Variants in RASSF9 observed in about 807,000 individuals in gnomAD.
The protein encoded by RASSF9 is ras association domain-containing protein 9.
RASSF9 carries 18 observed loss-of-function variants against 21.4 expected under a neutral mutation model. The ratio of observed to expected loss-of-function variants is 0.84; its 90% CI spans 0.58 to 1.25. The LOEUF is 1.25. Ranked by LOEUF, RASSF9 falls within the 50% of genes most tolerant of loss-of-function variation. RASSF9 has a pLI of 0.00. For missense variants in RASSF9, 480 were observed against 503.2 expected, an observed-to-expected ratio of 0.95 and a Z score of 0.44; for synonymous variants, 183 against 179.1, an observed-to-expected ratio of 1.02 and a Z score of -0.18.
rs749918351 is a variant in RASSF9, at chr12:85,805,267, T to G, written c.743A>C (p.Asp248Ala). 6.2e-7 allele frequency: 1 copy of G among 1,613,674 alleles called. No homozygotes were observed. The highest frequency in any genetic ancestry group is 2.2e-5 in the East Asian group (1 of 44,878). Residue 248 changes from aspartate (D) to alanine (A), a missense_variant, in exon 2 of 2, where the codon GAC becomes GCC. Asp to Ala is a moderately radical substitution (Grantham distance 126). Transcript: ENST00000361228. ...AGTCTGGTTTTCCTCATACTGCAAG[T>G]CTAGATTTTGCTCAACTTCACTGAA... ...PSFSEVEQNL[D>A]LQYEENQTLE...
chr12:85,805,570 T>A lies in RASSF9; in HGVS notation c.440A>T (p.Asn147Ile), dbSNP rs764560740. ...TEKLWELSPANYMKTLPPDKQ... is the reference protein window; with the variant it reads ...TEKLWELSPAIYMKTLPPDKQ... Reference sequence around the variant, plus strand: ...ATCTGGTGGTAAAGTCTTCATGTAGTTTGCTGGGCTGAGCTCCCACAATTT... The same window carrying A: ...ATCTGGTGGTAAAGTCTTCATGTAGATTGCTGGGCTGAGCTCCCACAATTT... The change falls in exon 2 of 2, where the codon AAC becomes ATC. Residue 147 changes from asparagine (N) to isoleucine (I), a missense_variant. Physicochemically the swap from Asn to Ile is moderately radical, Grantham distance 149. Coordinates refer to ENST00000361228, the MANE Select transcript of RASSF9 (RefSeq NM_005447.4). 3 of 1,613,920 alleles carry A rather than the reference T, an allele frequency of 1.9e-6. No homozygotes were observed. The South Asian group carries it at 3.3e-5, about 18-fold the overall frequency.
rs555403823 is a variant in RASSF9 at position 85,819,454 on chromosome 12, A to T, written c.48-13492T>A. On this transcript the variant is annotated intron_variant, in intron 1 of 1. Coordinates refer to ENST00000361228, the MANE Select transcript of RASSF9 (RefSeq NM_005447.4). Reference sequence around the variant, plus strand: ...ATTCCTGCACCTGGAGACAATTAGTATTTAATTATTTTCTAATAAAAAATA... The same window carrying T: ...ATTCCTGCACCTGGAGACAATTAGTTTTTAATTATTTTCTAATAAAAAATA... Among the ~76,000 whole-genome samples, 7 of 152,338 alleles carry T rather than the reference A, an allele frequency of 4.6e-5. No homozygotes were observed. In the East Asian group the frequency reaches 1.2e-3, roughly 25 times the overall value.
intron 1 of RASSF9, among the ~76,000 whole-genome samples, chr12:85,815,147 C>T (rs920545705): frequency 6.6e-6 from 1 of 151,842 alleles, no homozygotes; most frequent in Non-Finnish European, 1.5e-5. Context: ...GGAAACCCCA[C>T]ACACAACTGT....
chr12:85,826,171 C>T (rs1880328412), intron 1 of RASSF9, among the ~76,000 whole-genome samples: 1 of 152,166 alleles, frequency 6.6e-6, no homozygotes. Flanking sequence ...ATTTTCTTCA[C>T]TCTTCACCCT....
Position 85,803,014 on chromosome 12 carries a change from A to C in RASSF9, c.*1688T>G, listed in dbSNP as rs1311297060. On this transcript the variant is annotated 3_prime_UTR_variant, in exon 2 of 2. Coordinates refer to ENST00000361228, the MANE Select transcript of RASSF9 (RefSeq NM_005447.4). ...TGAAAATATCTATTTTGGTACAAGA[A>C]ATGATAGTATAAATGCTCACGAAAC... 2 of 152,166 alleles carry C rather than the reference A, an allele frequency of 1.3e-5. No individual in the cohort carries two copies. The allele number at this position is 152,166 out of a possible 1,614,324, so 9.4% of individuals were successfully genotyped here. A position where few individuals can be genotyped will look rare whatever the true frequency, so the allele number is the denominator to read the frequency against.
intron 1 of RASSF9, among the ~76,000 whole-genome samples, chr12:85,822,938 C>T (rs764939162): frequency 1.8e-4 from 28 of 152,148 alleles, no homozygotes; most frequent in Non-Finnish European, 2.8e-4. Context: ...CGGTGGCTCA[C>T]GCCTGTAATC....
intron 1 of RASSF9, among the ~76,000 whole-genome samples, chr12:85,811,842 A>T (rs1397781662): frequency 6.6e-6 from 1 of 151,806 alleles, no homozygotes; most frequent in African/African-American, 2.4e-5. Flanking sequence ...ATGAACAAAT[A>T]AAAATTCAGA....
intron 1 of RASSF9, among the ~76,000 whole-genome samples, chr12:85,827,975 A>G (rs980355688): frequency 6.6e-6 from 1 of 152,216 alleles, no homozygotes; most frequent in African/African-American, 2.4e-5. Flanking sequence ...CTAGAAAAAT[A>G]TATGGCACAT....
intron 1 of RASSF9, among the ~76,000 whole-genome samples, chr12:85,816,027 G>A (rs1046152008): frequency 6.6e-6 from 1 of 151,950 alleles, no homozygotes; most frequent in African/African-American, 2.4e-5. Flanking sequence ...TATAAATGGA[G>A]TCCATTATCC....
At position 85,805,025 on chromosome 12, in the gene RASSF9, C is replaced by G. The variant is rs1879786680; in HGVS notation, c.985G>C (p.Gly329Arg). The change falls in exon 2 of 2, where the codon GGT becomes CGT. Residue 329 changes from glycine to arginine, a missense_variant. Coordinates refer to ENST00000361228, the MANE Select transcript of RASSF9 (RefSeq NM_005447.4). ...CTCAAATGAGAGTGAATTTTCAAAC[C>G]AGCTTTCATGCTTTTCTCCAAATCA... is the stretch of plus-strand genomic sequence containing the variant. ...KCDLEKSMKA[G>R]LKIHSHLSGI... The G allele has an allele frequency of 6.2e-7, 1 of 1,613,772 alleles. No homozygotes were observed. The highest frequency in any genetic ancestry group is 1.7e-5 in the Admixed American group (1 of 59,996).
chr12:85,828,405 C>A (rs1034362589), intron 1 of RASSF9, among the ~76,000 whole-genome samples: 1 of 151,950 alleles, frequency 6.6e-6, no homozygotes, highest in African/African-American at 2.4e-5. Flanking sequence ...GTGGTAGATA[C>A]CTCATTTACC....
chr12:85,800,705 A>T lies in RASSF9; in HGVS notation c.*3997T>A, dbSNP rs914702705. On this transcript the variant is annotated 3_prime_UTR_variant, in exon 2 of 2. Coordinates refer to ENST00000361228, the MANE Select transcript of RASSF9 (RefSeq NM_005447.4). ...ACCACCCAAAACAATATCACAAGAA[A>T]GGTATAATTATTTCTTTTATTATTT... 2 of 151,824 alleles carry T rather than the reference A, an allele frequency of 1.3e-5. No homozygotes were observed. The highest frequency in any genetic ancestry group is 4.8e-5 in the African/African-American group (2 of 41,396). 9.4% of individuals were successfully genotyped at this position (151,824 alleles called of 1,614,324 possible). A position where few individuals can be genotyped will look rare whatever the true frequency, so the allele number is the denominator to read the frequency against.
Position 85,801,591 on chromosome 12 carries a change from T to A in RASSF9, c.*3111A>T, listed in dbSNP as rs1448893411. The A allele has an allele frequency of 6.6e-6, 1 of 152,228 alleles. No homozygotes were observed. Among genetic ancestry groups the A allele is most frequent in the Non-Finnish European group, 1.5e-5 (1 of 68,136 alleles). 9.4% of individuals were successfully genotyped at this position (152,228 alleles called of 1,614,324 possible). A position where few individuals can be genotyped will look rare whatever the true frequency, so the allele number is the denominator to read the frequency against. The stretch of plus-strand genomic sequence containing the variant: ...ACTTTGGGAGGCCAAGACGGGTGGA[T>A]CACAAGGTCAGGACATCGAGACCAT... On this transcript the variant is annotated 3_prime_UTR_variant, in exon 2 of 2. Coordinates refer to ENST00000361228, the MANE Select transcript of RASSF9 (RefSeq NM_005447.4).
At chr12:85,833,181 A>G (rs1447655296) in intron 1 of RASSF9, among the ~76,000 whole-genome samples, 2 of 151,938 alleles carry the variant, frequency 1.3e-5, no homozygotes, top group African/African-American at 2.4e-5. Flanking sequence ...GTTTTGAATT[A>G]TATTAAATAT....
At chr12:85,814,286 G>C (rs1880015024) in intron 1 of RASSF9, among the ~76,000 whole-genome samples, 1 of 152,042 alleles carries the variant, frequency 6.6e-6, no homozygotes, top group South Asian at 2.1e-4. Context: ...ACAATGTGTA[G>C]AGACATTTTT....
At chr12:85,828,724 A>G (rs1474638826) in intron 1 of RASSF9, among the ~76,000 whole-genome samples, 3 of 152,270 alleles carry the variant, frequency 2.0e-5, no homozygotes, top group Non-Finnish European at 4.4e-5. Flanking sequence ...TGCTGGAAGA[A>G]CAGGCAGTCA....
intron 1 of RASSF9, among the ~76,000 whole-genome samples, chr12:85,806,871 A>G (rs1879848301): frequency 6.6e-6 from 1 of 152,242 alleles, no homozygotes; most frequent in African/African-American, 2.4e-5. Flanking sequence ...AAATAGTACA[A>G]AATGGAAAAA....
intron 1 of RASSF9, among the ~76,000 whole-genome samples, chr12:85,824,358 T>A (rs544632414): frequency 2.0e-5 from 3 of 152,284 alleles, no homozygotes; most frequent in South Asian, 4.2e-4. Context: ...CCAATCACTG[T>A]TTGTTTTATC....
chr12:85,817,140 A>G (rs1191193600), intron 1 of RASSF9, among the ~76,000 whole-genome samples: 1 of 152,178 alleles, frequency 6.6e-6, no homozygotes. Context: ...ATTATAAAGA[A>G]CAAGTTTACT....
Sources: allele counts gnomAD v4.1 joint callset (sites outside exome capture counted in the v4.1 genomes callset), GRCh38; gene constraint gnomAD v4.1.1; transcripts MANE v1.5; gene names NCBI Gene and HGNC (gene_info 2026-07-23, HGNC 2026-07-21).